Variants in MYO3B observed in about 807,000 individuals in gnomAD.
The protein encoded by MYO3B is myosin-IIIb.
In MYO3B, 156 loss-of-function variants were observed where a neutral mutation model predicts 174.6. The observed-to-expected ratio is 0.89, with a 90% CI of 0.78 to 1.02. The LOEUF is 1.02. Ranked by LOEUF, MYO3B falls within the 50% of genes least tolerant of loss-of-function variation. MYO3B has a pLI of 0.00. For synonymous variants in MYO3B, 563 were observed against 569.1 expected (o/e 0.99, Z 0.15); for missense variants, 1,632 against 1,639.4 (o/e 1.00, Z 0.08).
Position 170,487,958 on chromosome 2 carries a change from A to C in MYO3B, c.3015-10634A>C, listed in dbSNP as rs549985425. Among the ~76,000 whole-genome samples, 7 of 152,330 alleles carry C rather than the reference A, an allele frequency of 4.6e-5. No individual in the cohort carries two copies. The East Asian group carries it at 1.3e-3, about 29-fold the overall frequency. On this transcript the variant is annotated intron_variant, in intron 25 of 34. Transcript: ENST00000408978. ...AGTAACCAAGGGGAAAAAAATAGAG[A>C]AATAAAATTCATTGTTCATTGTGAG...
chr2:170,510,618 G>A (rs188687514), intron 28 of MYO3B, among the ~76,000 whole-genome samples: 54 of 151,666 alleles, frequency 3.6e-4, no homozygotes, highest in Admixed American at 2.2e-3. Flanking sequence ...AGGTCATACT[G>A]GATGAAGGTG....
intron 7 of MYO3B, among the ~76,000 whole-genome samples, chr2:170,273,031 G>A (rs111290508): frequency 1.3e-5 from 2 of 152,082 alleles, no homozygotes; most frequent in African/African-American, 4.8e-5. Context: ...GATGGGTTGG[G>A]GTGGGGTAGT....
At chr2:170,509,321 C>T (rs1687821147) in intron 28 of MYO3B, among the ~76,000 whole-genome samples, 1 of 152,166 alleles carries the variant, frequency 6.6e-6, no homozygotes, top group Non-Finnish European at 1.5e-5. Context: ...CGCACCACTG[C>T]ACTCCAATCT....
At chr2:170,623,562 A>G (rs1696125947) in intron 32 of MYO3B, among the ~76,000 whole-genome samples, 1 of 152,096 alleles carries the variant, frequency 6.6e-6, no homozygotes, top group Non-Finnish European at 1.5e-5. Flanking sequence ...TGCTGTGCAG[A>G]AGCTCTTTAG....
intron 6 of MYO3B, among the ~76,000 whole-genome samples, chr2:170,222,551 A>G (rs1242408492): frequency 1.3e-5 from 2 of 150,980 alleles, no homozygotes; most frequent in Admixed American, 6.6e-5. Flanking sequence ...AAGCTGCGTA[A>G]CTCCAGTCTC....
intron 6 of MYO3B, among the ~76,000 whole-genome samples, chr2:170,220,256 TC>T (rs2092880901): frequency 8.6e-6 from 1 of 116,460 alleles, no homozygotes; most frequent in African/African-American, 3.4e-5. Flanking sequence ...AGACTCCGTC[TC>T]AAAAACAAAA....
At chr2:170,200,821 A>G (rs77896009) in intron 3 of MYO3B, among the ~76,000 whole-genome samples, 4 of 152,328 alleles carry the variant, frequency 2.6e-5, no homozygotes, top group Non-Finnish European at 5.9e-5. Flanking sequence ...ATATGGTCAT[A>G]ACAGAGACCT....
At position 170,649,133 on chromosome 2, in the gene MYO3B, AT is replaced by A. The variant is rs1169999951; in HGVS notation, c.3734-2494del. ...TAAAATAATATATAATGTATATAAA[AT>A]AATATATAATATATTATATATAAAA... On this transcript the variant is annotated intron_variant, in intron 32 of 34. Transcript: ENST00000408978. Among the ~76,000 whole-genome samples, 13 of 74,990 alleles carry A rather than the reference AT, an allele frequency of 1.7e-4. 2 individuals are homozygous for A. Among genetic ancestry groups the A allele is most frequent in the Non-Finnish European group, 2.7e-4 (12 of 45,072 alleles). The allele number at this position is 74,990 out of a possible 152,430, so 49.2% of individuals were successfully genotyped here.
At chr2:170,647,074 T>C (rs1291071086) in intron 32 of MYO3B, 3 of 353,498 alleles carry the variant, frequency 8.5e-6, no homozygotes, top group Non-Finnish European at 1.6e-5. Flanking sequence ...CTTATACAGC[T>C]GAGATACTCC....
intron 9 of MYO3B, among the ~76,000 whole-genome samples, chr2:170,371,537 A>T (rs1159468911): frequency 6.6e-6 from 1 of 152,134 alleles, no homozygotes; most frequent in Non-Finnish European, 1.5e-5. Context: ...TTGACACTTA[A>T]CCTGCCACCT....
chr2:170,369,585 A>G (rs2094225015), intron 9 of MYO3B, among the ~76,000 whole-genome samples: 1 of 152,154 alleles, frequency 6.6e-6, no homozygotes, highest in Admixed American at 6.6e-5. Context: ...CTTATGGCCA[A>G]TTTCTCTCAA....
intron 3 of MYO3B, among the ~76,000 whole-genome samples, chr2:170,211,810 C>T (rs1238081085): frequency 1.3e-5 from 2 of 152,154 alleles, no homozygotes; most frequent in Non-Finnish European, 2.9e-5. Context: ...GTTGGCCATA[C>T]AGGAAGTCAT....
chr2:170,286,699 T>G (rs754083432), intron 7 of MYO3B, among the ~76,000 whole-genome samples: 13 of 152,180 alleles, frequency 8.5e-5, no homozygotes, highest in Non-Finnish European at 1.0e-4. Flanking sequence ...GCCATAGACC[T>G]TCTTTAACTT....
At chr2:170,353,274 A>C (rs2094091125) in intron 8 of MYO3B, among the ~76,000 whole-genome samples, 1 of 152,176 alleles carries the variant, frequency 6.6e-6, no homozygotes. Context: ...AGGAATCTTA[A>C]ATTCATGTTA....
intron 32 of MYO3B, among the ~76,000 whole-genome samples, chr2:170,592,553 A>G (rs2106325931): frequency 6.6e-6 from 1 of 152,340 alleles, no homozygotes; most frequent in Middle Eastern, 3.4e-3. Context: ...TGGCCGGCAA[A>G]GAGAAGATAA....
At chr2:170,394,396 CT>C (rs2094432664) in intron 16 of MYO3B, among the ~76,000 whole-genome samples, 1 of 152,016 alleles carries the variant, frequency 6.6e-6, no homozygotes, top group South Asian at 2.1e-4. Context: ...ACGTTGAAAA[CT>C]GTTAAAATCT....
intron 32 of MYO3B, among the ~76,000 whole-genome samples, chr2:170,572,767 A>G (rs1364118360): frequency 6.6e-6 from 1 of 152,218 alleles, no homozygotes; most frequent in Non-Finnish European, 1.5e-5. Context: ...ATTTTAACAA[A>G]CATAAATATC....
intron 25 of MYO3B, among the ~76,000 whole-genome samples, chr2:170,482,552 G>GT (rs1367187044): frequency 6.6e-6 from 1 of 152,200 alleles, no homozygotes; most frequent in Admixed American, 6.5e-5. Flanking sequence ...ATGTGGAACT[G>GT]TAAGTTCAAT....
rs368903511 is a variant in MYO3B at position 170,459,080 on chromosome 2, TG to T, written c.2731-4287del. 6.6e-5 allele frequency among the ~76,000 whole-genome samples: 10 copies of T among 152,292 alleles called. No homozygotes were observed. The South Asian group carries it at 1.2e-3, about 19-fold the overall frequency. On this transcript the variant is annotated intron_variant, in intron 23 of 34. Transcript: ENST00000408978. The stretch of plus-strand genomic sequence containing the variant: ...CTTCAGGAGTGAAGCTGCAGACCTT[TG>T]CAGTGAGTGTTACAGCTCATAAAGG...
Sources: gnomAD v4.1 joint callset for allele counts (sites outside exome capture counted in the v4.1 genomes callset) on GRCh38, gnomAD v4.1.1 for gene constraint, MANE v1.5 for transcripts, NCBI Gene and HGNC (gene_info 2026-07-23, HGNC 2026-07-21) for gene names.